Variants in PSD3 observed in about 807,000 individuals in gnomAD.
PSD3 encodes the protein pleckstrin and Sec7 domain containing 3.
A neutral mutation model predicts 105.5 loss-of-function variants in PSD3; 49 were observed. The observed-to-expected ratio is 0.46, with a 90% CI of 0.37 to 0.59. The LOEUF (loss-of-function observed/expected upper bound fraction) is 0.59, where lower values mean the gene tolerates loss of function less well. Ranked by LOEUF, PSD3 falls within the 20% of genes least tolerant of loss-of-function variation. The pLI is 0.00. For synonymous variants in PSD3, 557 were observed against 457.8 expected, an observed-to-expected ratio of 1.22 and a Z score of -2.77; for missense variants, 1,561 against 1,263.8, an observed-to-expected ratio of 1.24 and a Z score of -3.57.
intron 1 of PSD3, among the ~76,000 whole-genome samples, chr8:19,066,266 T>C (rs1829072779): frequency 1.3e-5 from 2 of 152,232 alleles, no homozygotes; most frequent in Non-Finnish European, 2.9e-5. Context: ...TAAGGCTTAT[T>C]AGAAAATTTG....
chr8:18,667,339 T>C (rs1056411569), intron 9 of PSD3, among the ~76,000 whole-genome samples: 2 of 152,086 alleles, frequency 1.3e-5, no homozygotes, highest in Non-Finnish European at 2.9e-5. Context: ...AGAGTGCTGA[T>C]TGGTGTATTT....
intron 9 of PSD3, among the ~76,000 whole-genome samples, chr8:18,677,650 G>C (rs984218152): frequency 6.6e-6 from 1 of 152,208 alleles, no homozygotes; most frequent in Admixed American, 6.5e-5. Context: ...ATAATCTGTA[G>C]AACTACGTCC....
chr8:19,023,164 C>T (rs914312060), intron 1 of PSD3, among the ~76,000 whole-genome samples: 3 of 152,184 alleles, frequency 2.0e-5, no homozygotes, highest in African/African-American at 7.2e-5. Context: ...AACAATCCTC[C>T]ATCCACATCT....
chr8:18,913,210 G>T (rs1310411406), intron 2 of PSD3, among the ~76,000 whole-genome samples: 2 of 151,794 alleles, frequency 1.3e-5, no homozygotes, highest in Admixed American at 1.3e-4. Context: ...TCCATGGCAT[G>T]TCTCTGCAAC....
intron 2 of PSD3, among the ~76,000 whole-genome samples, chr8:18,907,564 C>T (rs898658203): frequency 6.6e-6 from 1 of 152,170 alleles, no homozygotes; most frequent in Non-Finnish European, 1.5e-5. Context: ...TTACAACTGT[C>T]TACTGCATTA....
At chr8:18,713,430 A>C (rs1035857689) in intron 9 of PSD3, among the ~76,000 whole-genome samples, 1 of 152,230 alleles carries the variant, frequency 6.6e-6, no homozygotes, top group African/African-American at 2.4e-5. Context: ...TCACTTCAGC[A>C]ATGTCTCAGG....
intron 4 of PSD3, chr8:18,865,254 A>T (rs866953638): frequency 3.1e-3 from 10 of 3,268 alleles, no homozygotes; most frequent in Admixed American, 6.0e-3. Flanking sequence ...ATATATATAT[A>T]TATATATATA....
chr8:18,790,460 G>A (rs1809604352), intron 8 of PSD3, among the ~76,000 whole-genome samples: 1 of 151,664 alleles, frequency 6.6e-6, no homozygotes, highest in African/African-American at 2.4e-5. Context: ...CCGCCACCAT[G>A]CCTGGCTAAT....
chr8:18,651,305 T>C (rs1405808092), intron 10 of PSD3, among the ~76,000 whole-genome samples: 3 of 152,304 alleles, frequency 2.0e-5, no homozygotes, highest in African/African-American at 7.2e-5. Flanking sequence ...GTTATAACAT[T>C]CTCCGGTTCT....
chr8:18,935,455 G>A (rs1290382176), intron 2 of PSD3, among the ~76,000 whole-genome samples: 2 of 151,284 alleles, frequency 1.3e-5, no homozygotes, highest in Non-Finnish European at 2.9e-5. Context: ...GCAGGAGGAT[G>A]GCTTGAGGCC....
chr8:18,838,169 C>T (rs1814286438), intron 4 of PSD3, among the ~76,000 whole-genome samples: 3 of 152,204 alleles, frequency 2.0e-5, no homozygotes. Flanking sequence ...CACCTTACAA[C>T]CCTGAGTGGG....
At chr8:18,590,274 A>G (rs1803499780) in intron 12 of PSD3, among the ~76,000 whole-genome samples, 2 of 152,170 alleles carry the variant, frequency 1.3e-5, no homozygotes, top group Admixed American at 1.3e-4. Context: ...TCAGTGGTGC[A>G]AGCGTGCATA....
At chr8:19,069,656 G>A (rs1829189428) in intron 1 of PSD3, among the ~76,000 whole-genome samples, 1 of 152,162 alleles carries the variant, frequency 6.6e-6, no homozygotes, top group South Asian at 2.1e-4. Context: ...GTAGCTAAGG[G>A]CTTCGAATCT....
At chr8:18,784,344 T>G (rs111762909) in intron 8 of PSD3, among the ~76,000 whole-genome samples, 245 of 152,340 alleles carry the variant, frequency 1.6e-3, no homozygotes, top group African/African-American at 5.8e-3. Flanking sequence ...TAAGACTTTT[T>G]CCCTACACTC....
At chr8:18,984,018 A>C (rs1212222187) in intron 1 of PSD3, among the ~76,000 whole-genome samples, 1 of 151,588 alleles carries the variant, frequency 6.6e-6, no homozygotes, top group Non-Finnish European at 1.5e-5. Context: ...ATTTAAAAAA[A>C]AAAAAAAAAA....
At chr8:18,828,779 G>A (rs773050093) in intron 4 of PSD3, among the ~76,000 whole-genome samples, 1 of 152,012 alleles carries the variant, frequency 6.6e-6, no homozygotes, top group Non-Finnish European at 1.5e-5. Context: ...TGGCCAACAT[G>A]GCAAAACCCT....
In PSD3 at chr8:19,056,772, G is replaced by A. The variant is rs189217379; in HGVS notation, c.324+27434C>T. On this transcript the variant is annotated intron_variant, in intron 1 of 1. Coordinates refer to the PSD3 transcript ENST00000521475. ...TTGCTGACCCCTTCCTTAGTGGCAG[G>A]AATTCAAAATAAGTGAACAAAGACA... 3.9e-5 allele frequency among the ~76,000 whole-genome samples: 6 copies of A among 152,152 alleles called. No individual in the cohort carries two copies. In the East Asian group the frequency reaches 9.7e-4, roughly 24 times the overall value.
chr8:19,046,621 T>C (rs949639296), intron 1 of PSD3, among the ~76,000 whole-genome samples: 1 of 152,220 alleles, frequency 6.6e-6, no homozygotes, highest in Admixed American at 6.5e-5. Context: ...AATGCCCAAG[T>C]ATAACTTTGC....
At chr8:18,623,014 T>C (rs2130721703) in intron 11 of PSD3, among the ~76,000 whole-genome samples, 1 of 152,352 alleles carries the variant, frequency 6.6e-6, no homozygotes, top group South Asian at 2.1e-4. Context: ...GCTATAATGA[T>C]GGCGATCACA....
Sources: gnomAD v4.1 joint callset for allele counts (sites outside exome capture counted in the v4.1 genomes callset) on GRCh38, gnomAD v4.1.1 for gene constraint, MANE v1.5 for transcripts, NCBI Gene and HGNC (gene_info 2026-07-23, HGNC 2026-07-21) for gene names.